PAX5: variants seen among roughly 807,000 people sequenced by gnomAD.
PAX5 encodes paired box 5.
PAX5 carries 9 observed loss-of-function variants against 43.7 expected under a neutral mutation model. The ratio of observed to expected loss-of-function variants is 0.21; its 90% confidence interval spans 0.12 to 0.36. PAX5 has a LOEUF of 0.36. Ranked by LOEUF, PAX5 falls within the 10% of genes least tolerant of loss-of-function variation. The probability of loss-of-function intolerance (pLI) is 1.00; values close to 1 mark genes in which losing one functional copy is unlikely to be tolerated. For missense variants in PAX5, 383 were observed against 532.7 expected, an observed-to-expected ratio of 0.72 and a Z score of 2.77; for synonymous variants, 228 against 214.3, an observed-to-expected ratio of 1.06 and a Z score of -0.56.
At chr9:36,991,243 T>C (rs1330194611) in intron 5 of PAX5, among the ~76,000 whole-genome samples, 1 of 152,188 alleles carries the variant, frequency 6.6e-6, no homozygotes, top group East Asian at 1.9e-4. Flanking sequence ...GATGTGACTA[T>C]AATCTCCACA....
chr9:36,970,264 G>A (rs985234090), intron 5 of PAX5, among the ~76,000 whole-genome samples: 3 of 152,200 alleles, frequency 2.0e-5, no homozygotes, highest in Admixed American at 6.5e-5. Context: ...GCATGGAACC[G>A]TGAGGAGTGA....
At chr9:36,949,558 A>G (rs893563622) in intron 6 of PAX5, among the ~76,000 whole-genome samples, 3 of 152,228 alleles carry the variant, frequency 2.0e-5, no homozygotes, top group African/African-American at 4.8e-5. Context: ...GTAAGCCTAC[A>G]TTCACTTTTA....
intron 5 of PAX5, among the ~76,000 whole-genome samples, chr9:36,992,958 G>A (rs889455440): frequency 2.6e-5 from 4 of 152,202 alleles, no homozygotes; most frequent in Admixed American, 6.5e-5. Flanking sequence ...TGGGATACAC[G>A]TGCAGAATGT....
chr9:36,875,129 T>C (rs1015326476), intron 8 of PAX5, among the ~76,000 whole-genome samples: 1 of 152,170 alleles, frequency 6.6e-6, no homozygotes, highest in Non-Finnish European at 1.5e-5. Context: ...TGCTTCCCCA[T>C]GTGGCGGCCA....
intron 8 of PAX5, among the ~76,000 whole-genome samples, chr9:36,871,596 T>C (rs1365749231): frequency 6.6e-6 from 1 of 152,210 alleles, no homozygotes; most frequent in Non-Finnish European, 1.5e-5. Context: ...CCAGTCGTTT[T>C]GTTTGTTGTT....
rs995055028 is a variant in PAX5, at chr9:37,015,656, T to A, written c.213-462A>T. Among the ~76,000 whole-genome samples, 3 of 152,090 alleles carry A rather than the reference T, an allele frequency of 2.0e-5. No individual in the cohort carries two copies. The highest frequency in any genetic ancestry group is 4.4e-5 in the Non-Finnish European group (3 of 68,018). ...ATGCAATGGCGTGATCTTGGCTCAC[T>A]GCAACCTCCGCCTCCTGGGTTCAAG... On this transcript the variant is annotated intron_variant, in intron 2 of 9. Coordinates refer to ENST00000358127, the MANE Select transcript of PAX5 (RefSeq NM_016734.3). The surrounding 1 kb of genome is among the most constrained non-coding windows in gnomAD (Gnocchi z 4.4).
At position 36,882,430 on chromosome 9, in the gene PAX5, A is replaced by G. The variant is rs1316061759; in HGVS notation, c.911-325T>C. ...GCAGGTGACAGCACGCCCCGACTCC[A>G]GCCAGCTCTCCCTACTCTCTACTCC... On this transcript the variant is annotated intron_variant, in intron 7 of 9. Transcript: ENST00000358127. This position sits in a 1 kb window ranked among gnomAD's most constrained non-coding sequence, Gnocchi z 4.4. Among the ~76,000 whole-genome samples, 1 of 152,132 alleles carries G rather than the reference A, an allele frequency of 6.6e-6. No homozygotes were observed. Among genetic ancestry groups the G allele is most frequent in the Non-Finnish European group, 1.5e-5 (1 of 67,992 alleles).
At chr9:36,977,976 T>C (rs988782453) in intron 5 of PAX5, among the ~76,000 whole-genome samples, 2 of 152,224 alleles carry the variant, frequency 1.3e-5, no homozygotes, top group African/African-American at 2.4e-5. Flanking sequence ...GAGTGAAGTG[T>C]GAGAGGCTCT....
chr9:36,994,284 A>G (rs1375968310), intron 5 of PAX5, among the ~76,000 whole-genome samples: 1 of 152,142 alleles, frequency 6.6e-6, no homozygotes, highest in Non-Finnish European at 1.5e-5. Flanking sequence ...GGAGATGGAA[A>G]CCAGGTCCTC....
Position 36,916,495 on chromosome 9 carries a change from T to C in PAX5, c.910+6860A>G, listed in dbSNP as rs1457160643. 2.6e-5 allele frequency among the ~76,000 whole-genome samples: 4 copies of C among 152,240 alleles called. No individual in the cohort carries two copies. The East Asian group carries it at 7.7e-4, about 29-fold the overall frequency. ...AATCTGTTGGTATTTTGATAGAAAT[T>C]ATTTTGAATTAATAGGTTACTTCGG... On this transcript the variant is annotated intron_variant, in intron 7 of 9. Coordinates refer to ENST00000358127, the MANE Select transcript of PAX5 (RefSeq NM_016734.3).
chr9:36,862,401 A>G (rs1824308338), intron 8 of PAX5, among the ~76,000 whole-genome samples: 1 of 152,070 alleles, frequency 6.6e-6, no homozygotes, highest in African/African-American at 2.4e-5. Context: ...CCTATTTCAG[A>G]AGTCCCCAGC....
At chr9:36,911,456 G>A (rs111235524) in intron 7 of PAX5, among the ~76,000 whole-genome samples, 1 of 152,202 alleles carries the variant, frequency 6.6e-6, no homozygotes, top group African/African-American at 2.4e-5. Context: ...CCACACGCCC[G>A]GCCCACAGAA....
chr9:36,988,485 A>C (rs1322156481), intron 5 of PAX5, among the ~76,000 whole-genome samples: 1 of 152,078 alleles, frequency 6.6e-6, no homozygotes, highest in East Asian at 1.9e-4. Flanking sequence ...ACAAAGCGAG[A>C]TCTTGTCTTG....
At chr9:36,849,071 C>T (rs1440419985) in intron 8 of PAX5, among the ~76,000 whole-genome samples, 2 of 152,220 alleles carry the variant, frequency 1.3e-5, no homozygotes, top group Non-Finnish European at 2.9e-5. Flanking sequence ...CCCAGTCTCC[C>T]GTGTGGTTCT....
At chr9:37,026,899 C>A (rs1346612427) in intron 1 of PAX5, among the ~76,000 whole-genome samples, 1 of 152,216 alleles carries the variant, frequency 6.6e-6, no homozygotes, top group Non-Finnish European at 1.5e-5. Flanking sequence ...GCTTCGGGGG[C>A]ATAGCGTAGG....
intron 1 of PAX5, among the ~76,000 whole-genome samples, chr9:37,030,070 C>T (rs1840827245): frequency 6.6e-6 from 1 of 152,180 alleles, no homozygotes; most frequent in Admixed American, 6.5e-5. Flanking sequence ...CCCCGGGGCA[C>T]GGCCCGAGCA....
At chr9:36,947,531 T>C (rs1041996970) in intron 6 of PAX5, among the ~76,000 whole-genome samples, 2 of 152,098 alleles carry the variant, frequency 1.3e-5, no homozygotes, top group African/African-American at 4.8e-5. Flanking sequence ...CGAGTAGCTA[T>C]CACGCTTGGC....
Position 37,034,003 on chromosome 9 carries a change from G to A in PAX5, c.29C>T (p.Pro10Leu), listed in dbSNP as rs921644175. Residue 10 changes from proline to leucine, a missense_variant, in exon 1 of 10, where the codon CCT (proline) becomes CTT (leucine). Around this residue, in one of 5 missense-constraint regions of PAX5, gnomAD observed 54 missense variants for 68.6 expected, o/e 0.79. Transcript: ENST00000358127. ...GGTCCTACCTGTCCTGCTGGTCCGA[G>A]GAGTCGGATAATTTTTCTCTAAATC... MDLEKNYPTPRTSRTGHGGV... is the reference protein window; with the variant it reads MDLEKNYPTLRTSRTGHGGV... 1.1e-5 allele frequency: 17 copies of A among 1,611,274 alleles called. No individual in the cohort carries two copies. The Admixed American group carries it at 1.8e-4, about 17-fold the overall frequency.
At chr9:36,873,544 G>A (rs963239228) in intron 8 of PAX5, among the ~76,000 whole-genome samples, 1 of 152,228 alleles carries the variant, frequency 6.6e-6, no homozygotes, top group African/African-American at 2.4e-5. Flanking sequence ...AAGGGGTGGC[G>A]TGCCCAGGCC....
Sources: allele counts gnomAD v4.1 joint callset (sites outside exome capture counted in the v4.1 genomes callset), GRCh38; gene constraint gnomAD v4.1.1; regional missense constraint gnomAD v4.1.1; non-coding constraint Gnocchi (gnomAD v3.1); transcripts MANE v1.5; gene names NCBI Gene and HGNC (gene_info 2026-07-23, HGNC 2026-07-21).